ROBO3: variants seen among roughly 807,000 people sequenced by gnomAD.
ROBO3 encodes the protein roundabout guidance receptor 3, also known as roundabout homolog 3.
Under a neutral mutation model 160.5 loss-of-function variants are expected in ROBO3, and 97 were observed. That is an observed-to-expected ratio of 0.60 (90% CI 0.51 to 0.72). The LOEUF is 0.72. Among genes scored for constraint, ROBO3 ranks in the 30% least tolerant of loss-of-function variants. ROBO3 has a pLI of 0.00. For synonymous variants in ROBO3, 780 were observed against 746.2 expected (o/e 1.05, Z -0.74); for missense variants, 1,858 against 1,846.5 (o/e 1.01, Z -0.11).
chr11:124,870,991 T>C (rs2135327368), intron 6 of ROBO3, 23 bp from the exon 7 acceptor site: 1 of 1,597,476 alleles, frequency 6.3e-7, no homozygotes, highest in Non-Finnish European at 8.6e-7. Flanking sequence ...TACCTGTTCC[T>C]TTTTCTCACC....
chr11:124,871,149 A>T lies in ROBO3; in HGVS notation c.1158+11A>T. On this transcript the variant is annotated intron_variant, in intron 7 of 27. Coordinates refer to ENST00000397801, the MANE Select transcript of ROBO3 (RefSeq NM_022370.4). ...AAGGAGGGGAGTCAGGTGGGTGGCC[A>T]TCTCCAAGGAGCTTCCCATCAGCCT... 6.2e-7 allele frequency: 1 copy of T among 1,608,564 alleles called. No individual in the cohort carries two copies. The highest frequency in any genetic ancestry group is 2.2e-5 in the East Asian group (1 of 44,746).
Position 124,876,365 on chromosome 11 carries a change from C to A in ROBO3, c.2684C>A (p.Ala895Glu), listed in dbSNP as rs1246835788. Reference protein sequence around the residue: ...ARVLREPAFLAGSGAACGALL... With the variant: ...ARVLREPAFLEGSGAACGALL... Reference sequence around the variant, plus strand: ...GTGCTGCGGGAGCCCGCCTTCCTCGCGGGCAGCGGCGCAGCCTGCGGGGCG... The same window carrying A: ...GTGCTGCGGGAGCCCGCCTTCCTCGAGGGCAGCGGCGCAGCCTGCGGGGCG... Residue 895 changes from alanine (A) to glutamate (E), a missense_variant, in exon 17 of 28, where the codon GCG becomes GAG. Coordinates refer to ENST00000397801, the MANE Select transcript of ROBO3 (RefSeq NM_022370.4). This position sits in a 1 kb window ranked among gnomAD's most constrained non-coding sequence, Gnocchi z 5.3. 7.0e-7 allele frequency: 1 copy of A among 1,434,080 alleles called. No individual in the cohort carries two copies. The highest frequency in any genetic ancestry group is 9.1e-7 in the Non-Finnish European group (1 of 1,102,368). The allele number at this position is 1,434,080 out of a possible 1,614,324, so 88.8% of individuals were successfully genotyped here. A position where few individuals can be genotyped will look rare whatever the true frequency, so the allele number is the denominator to read the frequency against.
chr11:124,873,825 G>T lies in ROBO3; in HGVS notation c.1747G>T (p.Gly583Trp), dbSNP rs763570420. The change falls in exon 11 of 28, where the codon GGG becomes TGG. Residue 583 changes from glycine to tryptophan, a missense_variant. Physicochemically the swap from Gly to Trp is radical, Grantham distance 184. Coordinates refer to ENST00000397801, the MANE Select transcript of ROBO3 (RefSeq NM_022370.4). The surrounding 1 kb of genome is among the most constrained non-coding windows in gnomAD (Gnocchi z 4.5). ...TLTWKPNPQT[G>W]AAVTSYVIEA... ...GACCTGGAAGCCCAACCCACAAACT[G>T]GGGCTGCAGTCACGTCTTATGTGAT... 1.2e-6 allele frequency: 2 copies of T among 1,613,604 alleles called. No homozygotes were observed. Among genetic ancestry groups the T allele is most frequent in the East Asian group, 4.5e-5 (2 of 44,886 alleles).
Position 124,869,026 on chromosome 11 carries a change from G to T in ROBO3, c.385G>T (p.Val129Leu), listed in dbSNP as rs1946242471. The change falls in exon 2 of 28, where the codon GTG (valine) becomes TTG (leucine). Residue 129 changes from valine to leucine, a missense_variant. Physicochemically the swap from Val to Leu is conservative, Grantham distance 32 (BLOSUM62 1). Coordinates refer to ENST00000397801, the MANE Select transcript of ROBO3 (RefSeq NM_022370.4). This position sits in a 1 kb window ranked among gnomAD's most constrained non-coding sequence, Gnocchi z 4.2. Reference protein sequence around the residue: ...PSGALFFPRIVHGRRARPDEG... With the variant: ...PSGALFFPRILHGRRARPDEG... ...CGGCGCCCTCTTCTTCCCGCGCATCGTGCACGGGCGCCGCGCGCGGCCGGA... is the reference window on the plus strand; with the variant it reads ...CGGCGCCCTCTTCTTCCCGCGCATCTTGCACGGGCGCCGCGCGCGGCCGGA... 2 of 1,601,660 alleles carry T rather than the reference G, an allele frequency of 1.2e-6. No homozygotes were observed. The highest frequency in any genetic ancestry group is 1.3e-5 in the African/African-American group (1 of 74,672).
At position 124,872,228 on chromosome 11, in the gene ROBO3, T is replaced by G. The variant is rs1946287505; in HGVS notation, c.1159-153T>G. On this transcript the variant is annotated intron_variant, in intron 7 of 27. Coordinates refer to ENST00000397801, the MANE Select transcript of ROBO3 (RefSeq NM_022370.4). This position sits in a 1 kb window ranked among gnomAD's most constrained non-coding sequence, Gnocchi z 4.3. The stretch of plus-strand genomic sequence containing the variant: ...TCCCTGATGTTTTTGTGAATACATT[T>G]AACTACTTTGCCCAAGTTCACATCA... 6.6e-6 allele frequency among the ~76,000 whole-genome samples: 1 copy of G among 152,224 alleles called. No homozygotes were observed. The highest frequency in any genetic ancestry group is 2.4e-5 in the African/African-American group (1 of 41,456).
At chr11:124,877,739 C>T (rs1373398857) in intron 20 of ROBO3, 81 bp downstream of exon 20, 1 of 1,548,224 alleles carries the variant, frequency 6.5e-7, no homozygotes, top group Non-Finnish European at 8.8e-7. Flanking sequence ...GCCCGGGAGC[C>T]CGGTCTCTCT....
At chr11:124,868,632 C>T (rs959640571) in intron 1 of ROBO3, 170 bp from the exon 2 acceptor site, 7 of 749,950 alleles carry the variant, frequency 9.3e-6, no homozygotes, top group African/African-American at 6.9e-5. Flanking sequence ...GAACGTCTGC[C>T]AATAAGGACA....
At position 124,869,429 on chromosome 11, in the gene ROBO3, G is replaced by GGGGGGGC; in HGVS notation, c.488-21_488-20insGGGGGGC. 2 of 1,295,748 alleles carry GGGGGGGC rather than the reference G, an allele frequency of 1.5e-6. No individual in the cohort carries two copies. Among genetic ancestry groups the GGGGGGGC allele is most frequent in the Non-Finnish European group, 2.2e-6 (2 of 929,930 alleles). The allele number at this position is 1,295,748 out of a possible 1,614,324, so 80.3% of individuals were successfully genotyped here. A position where few individuals can be genotyped will look rare whatever the true frequency, so the allele number is the denominator to read the frequency against. On this transcript the variant is annotated intron_variant, in intron 2 of 27. Transcript: ENST00000397801. This position sits in a 1 kb window ranked among gnomAD's most constrained non-coding sequence, Gnocchi z 4.2. The stretch of plus-strand genomic sequence containing the variant: ...TGTCACTCTACACCCTGCTTATTTC[G>GGGGGGGC]CCCCCCACCGCCCCGCCCAGTCCTC...
rs1483507462 is a variant in ROBO3 at position 124,869,812 on chromosome 11, A to T, written c.646-136A>T. 7.4e-7 allele frequency: 1 copy of T among 1,347,818 alleles called. No homozygotes were observed. Among genetic ancestry groups the T allele is most frequent in the Non-Finnish European group, 1.0e-6 (1 of 981,134 alleles). The allele number at this position is 1,347,818 out of a possible 1,614,324, so 83.5% of individuals were successfully genotyped here. ...AACTTCCCATTTGATATGTGGGTCA[A>T]CTTCCTTGGTCTCCTTTATCAGCTT... On this transcript the variant is annotated intron_variant, in intron 3 of 27. Coordinates refer to ENST00000397801, the MANE Select transcript of ROBO3 (RefSeq NM_022370.4). The surrounding 1 kb of genome is among the most constrained non-coding windows in gnomAD (Gnocchi z 4.2).
Position 124,871,133 on chromosome 11 carries a change from A to G in ROBO3, c.1153A>G (p.Ser385Gly). The change falls in exon 7 of 28, where the codon AGT becomes GGT. Residue 385 changes from serine (S) to glycine (G), a missense_variant. Physicochemically the swap from Ser to Gly is moderately conservative, Grantham distance 56 (BLOSUM62 0). Transcript: ENST00000397801. Reference protein sequence around the residue: ...PPAIFWQKEGSQVLLFPSQSL... With the variant: ...PPAIFWQKEGGQVLLFPSQSL... ...TGCCATCTTCTGGCAGAAGGAGGGG[A>G]GTCAGGTGGGTGGCCATCTCCAAGG... 6.2e-7 allele frequency: 1 copy of G among 1,612,572 alleles called. No individual in the cohort carries two copies.
rs761559775 is a variant in ROBO3, at chr11:124,875,546, TG to T, written c.2300-17del. 14 of 1,610,600 alleles carry T rather than the reference TG, an allele frequency of 8.7e-6. No individual in the cohort carries two copies. The African/African-American group carries it at 1.9e-4, about 22-fold the overall frequency. On this transcript the variant is annotated splice_polypyrimidine_tract_variant and intron_variant, in intron 14 of 27. Transcript: ENST00000397801. ...ATGACTATTTGTGTCCTTCTCACCA[TG>T]CTCCACCCTGGCCCAGCCCCCAGTG... is the stretch of plus-strand genomic sequence containing the variant.
At position 124,874,230 on chromosome 11, in the gene ROBO3, A is replaced by T; in HGVS notation, c.1945A>T (p.Thr649Ser). The change falls in exon 12 of 28, where the codon ACA (threonine) becomes TCA (serine). Residue 649 changes from threonine to serine, a missense_variant. Physicochemically the swap from Thr to Ser is moderately conservative, Grantham distance 58. Coordinates refer to ENST00000397801, the MANE Select transcript of ROBO3 (RefSeq NM_022370.4). Reference protein sequence around the residue: ...EPSPVSEPVRTQDSSPSRPVE... With the variant: ...EPSPVSEPVRSQDSSPSRPVE... ...CAGCCCCGTCTCTGAGCCTGTCCGT[A>T]CACAGGGTAAGGTCAGAGTCCCTGG... The T allele has an allele frequency of 6.2e-7, 1 of 1,613,370 alleles. No homozygotes were observed. Among genetic ancestry groups the T allele is most frequent in the Non-Finnish European group, 8.5e-7 (1 of 1,179,512 alleles).
At position 124,878,597 on chromosome 11, in the gene ROBO3, G is replaced by A. The variant is rs1279428557; in HGVS notation, c.3334G>A (p.Glu1112Lys). The A allele has an allele frequency of 3.7e-6, 6 of 1,611,002 alleles. No individual in the cohort carries two copies. Among genetic ancestry groups the A allele is most frequent in the Non-Finnish European group, 5.1e-6 (6 of 1,178,686 alleles). Residue 1112 changes from glutamate (E) to lysine (K), a missense_variant, in exon 23 of 28, where the codon GAG becomes AAG. Glu to Lys is a moderately conservative substitution (Grantham distance 56, BLOSUM62 1). Transcript: ENST00000397801. This position sits in a 1 kb window ranked among gnomAD's most constrained non-coding sequence, Gnocchi z 4.3. Reference protein sequence around the residue: ...EELEGSSEPEEWCPPMPERSH... With the variant: ...EELEGSSEPEKWCPPMPERSH... ...CTTTGATCCCAGCTCAGAGCCAGAG[G>A]AGTGGTGCCCGCCAATGCCTGAGAG...
chr11:124,877,135 T>G (rs367665122), intron 17 of ROBO3, 26 bp from the exon 18 acceptor site: 3 of 1,613,362 alleles, frequency 1.9e-6, no homozygotes, highest in Non-Finnish European at 1.7e-6. Context: ...CACCTCTTCT[T>G]TCTCCCACGG....
Position 124,871,079 on chromosome 11 carries a change from C to T in ROBO3, c.1099C>T (p.Gln367Ter). ...MAAPGESVAFQCETKGNPPPA... is the reference protein window; with the variant it reads ...MAAPGESVAF ...AGCTCCTGGAGAGAGCGTGGCTTTC[C>T]AGTGCGAGACCAAAGGAAACCCCCC... The change falls in exon 7 of 28, where the codon CAG becomes TAG. Residue 367 changes from glutamine (Q) to a stop codon, truncating the protein, a stop_gained. Coordinates refer to ENST00000397801, the MANE Select transcript of ROBO3 (RefSeq NM_022370.4). LOFTEE classifies it high-confidence loss of function. 6.2e-7 allele frequency: 1 copy of T among 1,613,736 alleles called. No individual in the cohort carries two copies. The highest frequency in any genetic ancestry group is 8.5e-7 in the Non-Finnish European group (1 of 1,179,704).
intron 1 of ROBO3, among the ~76,000 whole-genome samples, chr11:124,868,182 A>T (rs191001875): frequency 6.6e-6 from 1 of 152,176 alleles, no homozygotes; most frequent in Non-Finnish European, 1.5e-5. Context: ...CCTTGAAATG[A>T]AGCGTGATTA....
chr11:124,865,747 T>C lies in ROBO3; in HGVS notation c.160+10T>C, dbSNP rs1328955289. ...GATCCCTCTCTCAACGGTGAGACCCTGCCTCTTGGGGATATGGGATCCTGG... is the reference window on the plus strand; with the variant it reads ...GATCCCTCTCTCAACGGTGAGACCCCGCCTCTTGGGGATATGGGATCCTGG... On this transcript the variant is annotated intron_variant, in intron 1 of 27. Transcript: ENST00000397801. The surrounding 1 kb of genome is among the most constrained non-coding windows in gnomAD (Gnocchi z 5.5). The C allele has an allele frequency of 1.2e-6, 2 of 1,601,458 alleles. No individual in the cohort carries two copies. Among genetic ancestry groups the C allele is most frequent in the Non-Finnish European group, 1.7e-6 (2 of 1,175,066 alleles).
Position 124,870,813 on chromosome 11 carries a change from G to C in ROBO3, c.1033+85G>C, listed in dbSNP as rs1188936700. On this transcript the variant is annotated intron_variant, in intron 6 of 27. Coordinates refer to ENST00000397801, the MANE Select transcript of ROBO3 (RefSeq NM_022370.4). ...GTTGGCAAGAGACTGAGGGAGAAAG[G>C]GCAGAGAAGGGCATGTGGATGGAAC... 22 of 1,558,372 alleles carry C rather than the reference G, an allele frequency of 1.4e-5. No individual in the cohort carries two copies. The Admixed American group carries it at 4.1e-4, about 29-fold the overall frequency.
In ROBO3 at chr11:124,873,600, G is replaced by A. The variant is rs1591512669; in HGVS notation, c.1619-97G>A. 2.8e-5 allele frequency: 34 copies of A among 1,216,862 alleles called. No individual in the cohort carries two copies. The East Asian group carries it at 5.9e-4, about 21-fold the overall frequency. 75.4% of individuals were successfully genotyped at this position (1,216,862 alleles called of 1,614,324 possible). A position where few individuals can be genotyped will look rare whatever the true frequency, so the allele number is the denominator to read the frequency against. ...ACTATAGCCCACTCTGACCATCACC[G>A]CAGCTCAGAGCTCCATAGCTCCCCT... is the stretch of plus-strand genomic sequence containing the variant. On this transcript the variant is annotated intron_variant, in intron 10 of 27. Coordinates refer to ENST00000397801, the MANE Select transcript of ROBO3 (RefSeq NM_022370.4). The surrounding 1 kb of genome is among the most constrained non-coding windows in gnomAD (Gnocchi z 4.5).
Sources: allele counts gnomAD v4.1 joint callset (sites outside exome capture counted in the v4.1 genomes callset), GRCh38; gene constraint gnomAD v4.1.1; non-coding constraint Gnocchi (gnomAD v3.1); transcripts MANE v1.5; gene names NCBI Gene and HGNC (gene_info 2026-07-23, HGNC 2026-07-21).